The following MAML2 variants were observed in gnomAD, a reference collection of about 807,000 sequenced individuals.
MAML2 encodes mastermind like transcriptional coactivator 2.
A neutral mutation model predicts 96.1 loss-of-function variants in MAML2; 22 were observed. That is an observed-to-expected ratio of 0.23 (90% confidence interval 0.16 to 0.33). MAML2 has a LOEUF of 0.33. Ranked by LOEUF, MAML2 falls within the 10% of genes least tolerant of loss-of-function variation. The pLI is 1.00. For synonymous variants in MAML2, 561 were observed against 521.3 expected, an observed-to-expected ratio of 1.08 and a Z score of -1.04; for missense variants, 1,367 against 1,392.4, an observed-to-expected ratio of 0.98 and a Z score of 0.29.
chr11:96,272,740 A>C (rs578105180), intron 1 of MAML2, among the ~76,000 whole-genome samples: 1 of 152,316 alleles, frequency 6.6e-6, no homozygotes, highest in African/African-American at 2.4e-5. Context: ...TTTTCTCCAA[A>C]ACAGTTTCAT....
At chr11:96,248,088 A>C (rs1245837824) in intron 1 of MAML2, among the ~76,000 whole-genome samples, 1 of 151,632 alleles carries the variant, frequency 6.6e-6, no homozygotes, top group Non-Finnish European at 1.5e-5. Context: ...TGAAATCATT[A>C]AAATTAACTT....
chr11:96,077,680 C>A (rs1390417891), intron 2 of MAML2, among the ~76,000 whole-genome samples: 1 of 152,160 alleles, frequency 6.6e-6, no homozygotes, highest in Non-Finnish European at 1.5e-5. Context: ...CTCAGAAATG[C>A]AAAACACAGC....
In MAML2 at chr11:96,092,340, G is replaced by A. The variant is rs1463004631; in HGVS notation, c.1691C>T (p.Ser564Leu). 2 of 1,610,578 alleles carry A rather than the reference G, an allele frequency of 1.2e-6. No homozygotes were observed. The highest frequency in any genetic ancestry group is 1.7e-6 in the Non-Finnish European group (2 of 1,178,514). The change falls in exon 2 of 5, where the codon TCA (serine) becomes TTA (leucine). Residue 564 changes from serine to leucine, a missense_variant. Transcript: ENST00000524717. This position sits in a 1 kb window ranked among gnomAD's most constrained non-coding sequence, Gnocchi z 4.1. ...GNTKPLFHFN[S>L]DQANQQMPSV... is the part of the protein sequence containing the mutation. ...AGGCATCTGCTGGTTCGCTTGATCTGAGTTAAAATGAAACAAAGGCTTGGT... is the reference window on the plus strand; with the variant it reads ...AGGCATCTGCTGGTTCGCTTGATCTAAGTTAAAATGAAACAAAGGCTTGGT...
At chr11:96,183,517 G>A (rs916736406) in intron 1 of MAML2, among the ~76,000 whole-genome samples, 3 of 149,804 alleles carry the variant, frequency 2.0e-5, no homozygotes, top group African/African-American at 7.4e-5. Flanking sequence ...TCTCACCTCA[G>A]CCTCCTGATA....
chr11:96,142,386 C>G (rs1445331514), intron 1 of MAML2, among the ~76,000 whole-genome samples: 1 of 152,174 alleles, frequency 6.6e-6, no homozygotes, highest in Non-Finnish European at 1.5e-5. Context: ...TACTCTGACT[C>G]TCTTTTTCCC....
chr11:96,140,925 G>A (rs891197142), intron 1 of MAML2, among the ~76,000 whole-genome samples: 1 of 152,174 alleles, frequency 6.6e-6, no homozygotes, highest in Admixed American at 6.5e-5. Flanking sequence ...TTTATTTGCT[G>A]CTTTTGACTC....
chr11:96,292,947 A>G (rs1863236243), intron 1 of MAML2, among the ~76,000 whole-genome samples: 1 of 152,014 alleles, frequency 6.6e-6, no homozygotes, highest in Non-Finnish European at 1.5e-5. Context: ...AAAAAAAAAG[A>G]TCTGATGTAT....
At chr11:96,123,040 C>G (rs529176480) in intron 1 of MAML2, among the ~76,000 whole-genome samples, 1 of 152,300 alleles carries the variant, frequency 6.6e-6, no homozygotes, top group South Asian at 2.1e-4. Context: ...GAGAGTCCAG[C>G]CTTCTACTCC....
intron 2 of MAML2, among the ~76,000 whole-genome samples, chr11:96,048,683 C>T (rs1311210525): frequency 6.6e-6 from 1 of 152,048 alleles, no homozygotes; most frequent in East Asian, 1.9e-4. Context: ...TCTGACAGAA[C>T]CAAAGTCTTT....
chr11:96,173,281 G>A (rs1290835990), intron 1 of MAML2, among the ~76,000 whole-genome samples: 1 of 152,190 alleles, frequency 6.6e-6, no homozygotes, highest in Admixed American at 6.6e-5. Context: ...ACCATGACAG[G>A]AAGCAAGAAA....
intron 2 of MAML2, among the ~76,000 whole-genome samples, chr11:96,020,190 C>G (rs1858415522): frequency 6.6e-6 from 1 of 152,106 alleles, no homozygotes; most frequent in African/African-American, 2.4e-5. Flanking sequence ...CAATAAAGAC[C>G]ATCAAATATT....
intron 3 of MAML2, among the ~76,000 whole-genome samples, chr11:95,990,342 A>G (rs1291356428): frequency 6.6e-6 from 1 of 151,812 alleles, no homozygotes; most frequent in African/African-American, 2.4e-5. Flanking sequence ...TCCCATCTTT[A>G]CCCATCAATT....
chr11:96,025,881 A>T (rs935479713), intron 2 of MAML2, among the ~76,000 whole-genome samples: 1 of 152,172 alleles, frequency 6.6e-6, no homozygotes, highest in Non-Finnish European at 1.5e-5. Flanking sequence ...ATTATTTTTT[A>T]AAAAGATTCT....
intron 3 of MAML2, 68 bp downstream of exon 3, chr11:95,991,452 T>C (rs1381092355): frequency 5.6e-6 from 8 of 1,432,660 alleles, no homozygotes; most frequent in Non-Finnish European, 7.9e-6. Flanking sequence ...TAAATATAAA[T>C]GGAAAAGAAT....
intron 1 of MAML2, among the ~76,000 whole-genome samples, chr11:96,149,203 G>A (rs1319233422): frequency 6.6e-6 from 1 of 151,884 alleles, no homozygotes. Context: ...CACAAGGTCA[G>A]GAGTTTGAGA....
At chr11:96,093,880 C>T (rs1168576839) in intron 1 of MAML2, among the ~76,000 whole-genome samples, 5 of 152,206 alleles carry the variant, frequency 3.3e-5, no homozygotes, top group African/African-American at 1.2e-4. Context: ...AAATATTCCA[C>T]ATGCATGCAC....
rs188635402 is a variant in MAML2 at position 96,175,616 on chromosome 11, G to A, written c.514-82099C>T. Among the ~76,000 whole-genome samples the A allele has an allele frequency of 1.9e-4, 29 of 152,168 alleles. No individual in the cohort carries two copies. In the East Asian group the frequency reaches 5.4e-3, roughly 28 times the overall value. The stretch of plus-strand genomic sequence containing the variant: ...TGTTTTGTTTTTTTTTAGATGGAGT[G>A]TCACCCTGTCATCACTCAGGATGGA... On this transcript the variant is annotated intron_variant, in intron 1 of 4. Coordinates refer to ENST00000524717, the MANE Select transcript of MAML2 (RefSeq NM_032427.4).
At chr11:96,220,442 C>T (rs1318893539) in intron 1 of MAML2, among the ~76,000 whole-genome samples, 1 of 152,118 alleles carries the variant, frequency 6.6e-6, no homozygotes, top group Admixed American at 6.5e-5. Flanking sequence ...ATGCTTCCTG[C>T]CTTACTCTTT....
intron 1 of MAML2, among the ~76,000 whole-genome samples, chr11:96,339,337 CTACTG>C (rs1863959863): frequency 6.6e-6 from 1 of 152,176 alleles, no homozygotes; most frequent in South Asian, 2.1e-4. Context: ...ATGGGTATTG[CTACTG>C]TAAAGTTACC....
Sources: gnomAD v4.1 joint callset for allele counts (sites outside exome capture counted in the v4.1 genomes callset) on GRCh38, gnomAD v4.1.1 for gene constraint, Gnocchi (gnomAD v3.1) non-coding constraint, MANE v1.5 for transcripts, NCBI Gene and HGNC (gene_info 2026-07-23, HGNC 2026-07-21) for gene names.